PCDHGB3: variants seen among roughly 807,000 people sequenced by gnomAD.
PCDHGB3 encodes protocadherin gamma-B3.
In PCDHGB3, 40 loss-of-function variants were observed where a neutral mutation model predicts 59.2. The observed-to-expected ratio is 0.68, with a 90% CI of 0.52 to 0.88. The LOEUF is 0.88. Among genes scored for constraint, PCDHGB3 ranks in the 40% least tolerant of loss-of-function variants. PCDHGB3 has a pLI of 0.00. For synonymous variants in PCDHGB3, 581 were observed against 503.6 expected (o/e 1.15, Z -2.06); for missense variants, 1,309 against 1,187.9 (o/e 1.10, Z -1.50).
intron 1 of PCDHGB3, chr5:141,394,289 C>G (rs191844335): frequency 2.5e-6 from 4 of 1,613,954 alleles, no homozygotes; most frequent in Admixed American, 1.7e-5. Context: ...ACTCTGTGAC[C>G]GAGGACACGC....
At chr5:141,423,076 C>A in intron 1 of PCDHGB3, 1 of 1,614,128 alleles carries the variant, frequency 6.2e-7, no homozygotes, top group Non-Finnish European at 8.5e-7. Context: ...CGAGCCGGGA[C>A]TCTTCGCGGT....
At chr5:141,407,621 T>C (rs993791058) in intron 1 of PCDHGB3, among the ~76,000 whole-genome samples, 1 of 152,202 alleles carries the variant, frequency 6.6e-6, no homozygotes, top group African/African-American at 2.4e-5. Flanking sequence ...GTTGACATTC[T>C]ATATCTCGTA....
At chr5:141,383,499 G>A (rs1779188122) in intron 1 of PCDHGB3, 1 of 1,612,970 alleles carries the variant, frequency 6.2e-7, no homozygotes. Flanking sequence ...AGCGGGTGCT[G>A]GACCGGGAGG....
intron 1 of PCDHGB3, chr5:141,412,510 T>G (rs1007512416): frequency 6.6e-6 from 1 of 152,204 alleles, no homozygotes; most frequent in Non-Finnish European, 1.5e-5. Flanking sequence ...ATAAGTTTAA[T>G]GAATTAAGTA....
At chr5:141,394,875 A>G in intron 1 of PCDHGB3, 3 of 1,613,722 alleles carry the variant, frequency 1.9e-6, no homozygotes, top group Non-Finnish European at 8.5e-7. Flanking sequence ...GAACGATTCG[A>G]GCCTTACACT....
chr5:141,399,443 G>A, intron 1 of PCDHGB3: 1 of 1,614,018 alleles, frequency 6.2e-7, no homozygotes, highest in Non-Finnish European at 8.5e-7. Flanking sequence ...CTACATATCA[G>A]AGACGTCAAC....
rs778684539 is a variant in PCDHGB3 at position 141,477,205 on chromosome 5, G to A, written c.2416-17602G>A. ...CCTCCGTGTACAGCCCAGTACCCGA[G>A]GATGCCCCTCTGGGGACTGTCATCG... On this transcript the variant is annotated intron_variant, in intron 1 of 3. Transcript: ENST00000576222. The surrounding 1 kb of genome is among the most constrained non-coding windows in gnomAD (Gnocchi z 4.9). 1 of 1,614,184 alleles carries A rather than the reference G, an allele frequency of 6.2e-7. No homozygotes were observed. The highest frequency in any genetic ancestry group is 8.5e-7 in the Non-Finnish European group (1 of 1,180,042).
intron 1 of PCDHGB3, chr5:141,415,006 C>T (rs1353721901): frequency 1.2e-6 from 2 of 1,613,652 alleles, no homozygotes; most frequent in Non-Finnish European, 8.5e-7. Flanking sequence ...GCTGTCCTAC[C>T]GTCTGCTCAA....
rs139211149 is a variant in PCDHGB3, at chr5:141,426,067, G to A, written c.2415+53258G>A. Among the ~76,000 whole-genome samples, 5 of 152,328 alleles carry A rather than the reference G, an allele frequency of 3.3e-5. No individual in the cohort carries two copies. The East Asian group carries it at 9.6e-4, about 29-fold the overall frequency. On this transcript the variant is annotated intron_variant, in intron 1 of 3. Coordinates refer to ENST00000576222, the MANE Select transcript of PCDHGB3 (RefSeq NM_018924.5). Reference sequence around the variant, plus strand: ...TGGCCAATGTGCTGCAAGAACTGGAGCCTGGGATCTACCAGGACGATATTC... The same window carrying A: ...TGGCCAATGTGCTGCAAGAACTGGAACCTGGGATCTACCAGGACGATATTC...
At chr5:141,385,355 G>A in intron 1 of PCDHGB3, 1 of 1,548,228 alleles carries the variant, frequency 6.5e-7, no homozygotes, top group Non-Finnish European at 8.7e-7. Flanking sequence ...TTTCCATGAG[G>A]AATTTATTTG....
At position 141,476,749 on chromosome 5, in the gene PCDHGB3, G is replaced by C; in HGVS notation, c.2416-18058G>C. On this transcript the variant is annotated intron_variant, in intron 1 of 3. Transcript: ENST00000576222. The surrounding 1 kb of genome is among the most constrained non-coding windows in gnomAD (Gnocchi z 7.6). ...ACCGAGAACGGGAGCCTAGTCTCCA[G>C]TTAGTGCTGACGGCGTTGGACGGAG... is the stretch of plus-strand genomic sequence containing the variant. 1.9e-6 allele frequency: 3 copies of C among 1,614,042 alleles called. No homozygotes were observed. The highest frequency in any genetic ancestry group is 2.5e-6 in the Non-Finnish European group (3 of 1,180,038).
chr5:141,427,768 A>C (rs1003238906), intron 1 of PCDHGB3: 4 of 1,393,994 alleles, frequency 2.9e-6, no homozygotes, highest in Non-Finnish European at 4.0e-6. Context: ...ACTGACTTGG[A>C]GCTGCGGGCA....
At chr5:141,498,581 C>A (rs1281809549) in intron 2 of PCDHGB3, among the ~76,000 whole-genome samples, 1 of 152,104 alleles carries the variant, frequency 6.6e-6, no homozygotes, top group East Asian at 1.9e-4. Flanking sequence ...GTATTGAGTT[C>A]TTCAGTAAAC....
Position 141,511,309 on chromosome 5 carries a change from G to C in PCDHGB3, c.*136G>C. The stretch of plus-strand genomic sequence containing the variant: ...GGGGCCAAGGCCATGCTCCCCTTGG[G>C]AAACAGAAACAAGTGCCCAGTCAGC... On this transcript the variant is annotated 3_prime_UTR_variant, in exon 4 of 4. Coordinates refer to ENST00000576222, the MANE Select transcript of PCDHGB3 (RefSeq NM_018924.5). 4.0e-6 allele frequency: 6 copies of C among 1,485,470 alleles called. No homozygotes were observed. Among genetic ancestry groups the C allele is most frequent in the Non-Finnish European group, 4.5e-6 (5 of 1,113,432 alleles). 92.0% of individuals were successfully genotyped at this position (1,485,470 alleles called of 1,614,324 possible).
At chr5:141,380,260 G>A (rs1776331356) in intron 1 of PCDHGB3, among the ~76,000 whole-genome samples, 1 of 152,114 alleles carries the variant, frequency 6.6e-6, no homozygotes, top group South Asian at 2.1e-4. Context: ...AGGGGAAGGA[G>A]TAAAATCTCA....
At chr5:141,376,441 G>C in intron 1 of PCDHGB3, 3 of 1,614,206 alleles carry the variant, frequency 1.9e-6, no homozygotes, top group Non-Finnish European at 2.5e-6. Flanking sequence ...AGAGCTATGA[G>C]AAAAGCGAGC....
chr5:141,389,321 G>T (rs570682726), intron 1 of PCDHGB3: 1 of 1,613,982 alleles, frequency 6.2e-7, no homozygotes. Context: ...ATCCGGACTT[G>T]GGGCCCAACG....
At position 141,485,566 on chromosome 5, in the gene PCDHGB3, C is replaced by T. The variant is rs768144422; in HGVS notation, c.2416-9241C>T. The T allele has an allele frequency of 6.2e-7, 1 of 1,612,926 alleles. No homozygotes were observed. Among genetic ancestry groups the T allele is most frequent in the African/African-American group, 1.3e-5 (1 of 75,016 alleles). ...TCGTAGATGTGAATGATCACGCCCC[C>T]CGTTTTCCGCGGCAGCAGCTGGACT... On this transcript the variant is annotated intron_variant, in intron 1 of 3. Transcript: ENST00000576222. The surrounding 1 kb of genome is among the most constrained non-coding windows in gnomAD (Gnocchi z 5.7).
chr5:141,439,652 T>G (rs1047430832), intron 1 of PCDHGB3, among the ~76,000 whole-genome samples: 1 of 152,208 alleles, frequency 6.6e-6, no homozygotes, highest in African/African-American at 2.4e-5. Context: ...GTGGCTTTTC[T>G]AATTTCATGG....
Sources: gnomAD v4.1 joint callset for allele counts (sites outside exome capture counted in the v4.1 genomes callset) on GRCh38, gnomAD v4.1.1 for gene constraint, Gnocchi (gnomAD v3.1) non-coding constraint, MANE v1.5 for transcripts, NCBI Gene and HGNC (gene_info 2026-07-23, HGNC 2026-07-21) for gene names.